DYM: variants seen among roughly 807,000 people sequenced by gnomAD.
The protein encoded by DYM is dymeclin.
DYM carries 78 observed loss-of-function variants against 93.1 expected under a neutral mutation model. That is an observed-to-expected ratio of 0.84 (90% CI 0.70 to 1.01). The LOEUF is 1.01. DYM is among the 50% of genes least tolerant of loss of function. The probability of loss-of-function intolerance (pLI) is 0.00; values close to 1 mark genes in which losing one functional copy is unlikely to be tolerated. For missense variants in DYM, 789 were observed against 845.0 expected, an observed-to-expected ratio of 0.93 and a Z score of 0.82; for synonymous variants, 321 against 319.7, an observed-to-expected ratio of 1.00 and a Z score of -0.04.
At chr18:49,242,865 A>G (rs6507893) in intron 13 of DYM, among the ~76,000 whole-genome samples, 98,209 of 151,848 alleles carry the variant, frequency 0.65, 32,939 homozygotes, top group Non-Finnish European at 0.74. Flanking sequence ...ACGCCCGGCT[A>G]ATTTTTTTGT....
chr18:49,338,253 G>C (rs981335401), intron 6 of DYM, among the ~76,000 whole-genome samples: 1 of 152,052 alleles, frequency 6.6e-6, no homozygotes, highest in Non-Finnish European at 1.5e-5. Flanking sequence ...AAAATGTTTT[G>C]GTCCTTCATA....
intron 14 of DYM, among the ~76,000 whole-genome samples, chr18:49,168,361 G>A (rs2088186115): frequency 6.6e-6 from 1 of 152,136 alleles, no homozygotes; most frequent in African/African-American, 2.4e-5. Context: ...TTAAAAATCT[G>A]ATAAAAAGAA....
At chr18:49,233,954 G>A (rs778955351) in intron 13 of DYM, among the ~76,000 whole-genome samples, 2 of 151,882 alleles carry the variant, frequency 1.3e-5, no homozygotes, top group African/African-American at 2.4e-5. Flanking sequence ...GTGAAATCCC[G>A]TCTCTACTAA....
chr18:49,046,143 AC>A (rs1312773611), intron 17 of DYM, among the ~76,000 whole-genome samples: 6 of 150,458 alleles, frequency 4.0e-5, no homozygotes, highest in Middle Eastern at 6.8e-3. Context: ...ACATAGACAC[AC>A]ACACAGACAC....
chr18:49,284,704 T>A (rs913053006), intron 9 of DYM, among the ~76,000 whole-genome samples: 2 of 152,202 alleles, frequency 1.3e-5, no homozygotes, highest in Non-Finnish European at 2.9e-5. Context: ...TATGCTTGAC[T>A]CTGAAACTTG....
At chr18:49,101,863 T>G (rs911067928) in intron 16 of DYM, among the ~76,000 whole-genome samples, 1 of 152,168 alleles carries the variant, frequency 6.6e-6, no homozygotes, top group East Asian at 1.9e-4. Context: ...ATTTGTGAGA[T>G]AAGACAGATC....
intron 14 of DYM, among the ~76,000 whole-genome samples, chr18:49,170,490 A>G (rs1276949425): frequency 6.6e-6 from 1 of 152,102 alleles, no homozygotes; most frequent in Non-Finnish European, 1.5e-5. Flanking sequence ...TGTAAGAAAG[A>G]ACTGTATGAG....
intron 5 of DYM, among the ~76,000 whole-genome samples, chr18:49,370,047 T>C (rs141452181): frequency 7.2e-5 from 11 of 152,156 alleles, no homozygotes; most frequent in Admixed American, 3.9e-4. Context: ...GAGGCCGAGA[T>C]GGGCGGACCA....
chr18:49,303,901 G>T lies in DYM; in HGVS notation c.764-17285C>A, dbSNP rs115271033. On this transcript the variant is annotated intron_variant, in intron 8 of 17. Coordinates refer to ENST00000675505, the MANE Select transcript of DYM (RefSeq NM_001353214.3). ...AGCATTTACAGGACATCCTAACTAA[G>T]TCTCCTACAAAACAGTCTGGCTGCT... Among the ~76,000 whole-genome samples, 593 of 152,252 alleles carry T rather than the reference G, an allele frequency of 3.9e-3. 3 individuals are homozygous for T. The highest frequency in any genetic ancestry group is 0.014 in the African/African-American group (575 of 41,548).
At chr18:49,080,655 C>T (rs1461651931) in intron 17 of DYM, among the ~76,000 whole-genome samples, 2 of 149,184 alleles carry the variant, frequency 1.3e-5, no homozygotes, top group Non-Finnish European at 1.5e-5. Context: ...CCCCCCACCT[C>T]CCTCCCGGAC....
At chr18:49,438,397 T>C (rs2081044543) in intron 1 of DYM, among the ~76,000 whole-genome samples, 1 of 152,058 alleles carries the variant, frequency 6.6e-6, no homozygotes, top group South Asian at 2.1e-4. Context: ...AGCCAGTGAT[T>C]ACACAGCCAT....
chr18:49,232,550 G>A (rs971367051), intron 13 of DYM, among the ~76,000 whole-genome samples: 2 of 148,916 alleles, frequency 1.3e-5, no homozygotes, highest in Admixed American at 6.7e-5. Flanking sequence ...TGATCTGCTC[G>A]CCTCGGCCTC....
intron 11 of DYM, among the ~76,000 whole-genome samples, chr18:49,262,744 G>A (rs1440035709): frequency 1.3e-5 from 2 of 152,076 alleles, no homozygotes; most frequent in South Asian, 2.1e-4. Context: ...TGGTGTTGGT[G>A]CCATACATAC....
intron 10 of DYM, among the ~76,000 whole-genome samples, chr18:49,278,051 C>T (rs1306714270): frequency 2.0e-5 from 3 of 152,068 alleles, no homozygotes; most frequent in Non-Finnish European, 4.4e-5. Flanking sequence ...AAGAATGTAG[C>T]TTTCAAGAAA....
At chr18:49,051,629 T>C (rs929552658) in intron 17 of DYM, among the ~76,000 whole-genome samples, 1 of 152,256 alleles carries the variant, frequency 6.6e-6, no homozygotes, top group Non-Finnish European at 1.5e-5. Flanking sequence ...GGTATCTGAA[T>C]GTCCTGGAGG....
At chr18:49,175,121 A>G (rs1179234728) in intron 14 of DYM, among the ~76,000 whole-genome samples, 2 of 152,194 alleles carry the variant, frequency 1.3e-5, no homozygotes, top group Non-Finnish European at 2.9e-5. Flanking sequence ...ACTGCTACAC[A>G]CAAGTGTAAT....
chr18:49,313,244 T>C (rs2061707334), intron 8 of DYM, among the ~76,000 whole-genome samples: 1 of 151,678 alleles, frequency 6.6e-6, no homozygotes, highest in Admixed American at 6.6e-5. Flanking sequence ...GGCAGGCGGA[T>C]CACGAGATCA....
intron 11 of DYM, among the ~76,000 whole-genome samples, chr18:49,265,863 C>CA (rs1205446306): frequency 1.3e-5 from 2 of 148,690 alleles, no homozygotes; most frequent in African/African-American, 2.5e-5. Flanking sequence ...ATAAAAATAA[C>CA]AAACTCAGGG....
intron 2 of DYM, among the ~76,000 whole-genome samples, chr18:49,413,743 C>G (rs1249086268): frequency 6.6e-6 from 1 of 152,192 alleles, no homozygotes; most frequent in Admixed American, 6.5e-5. Flanking sequence ...GGCACAGTGG[C>G]TCAAGCCTAT....
Sources: gnomAD v4.1 joint callset for allele counts (sites outside exome capture counted in the v4.1 genomes callset) on GRCh38, gnomAD v4.1.1 for gene constraint, MANE v1.5 for transcripts, NCBI Gene and HGNC (gene_info 2026-07-23, HGNC 2026-07-21) for gene names.